The following PLEKHG1 variants were observed in gnomAD, a reference collection of about 807,000 sequenced individuals.
The protein encoded by PLEKHG1 is pleckstrin homology and RhoGEF domain containing G1.
A neutral mutation model predicts 100.8 loss-of-function variants in PLEKHG1; 44 were observed. The observed-to-expected ratio is 0.44, with a 90% CI of 0.34 to 0.56. PLEKHG1 has a LOEUF of 0.56. Ranked by LOEUF, PLEKHG1 falls within the 20% of genes least tolerant of loss-of-function variation. The pLI, the probability that PLEKHG1 is intolerant of heterozygous loss-of-function variation, is 0.01. For synonymous variants in PLEKHG1, 640 were observed against 662.5 expected (o/e 0.97, Z 0.52); for missense variants, 1,545 against 1,720.9 (o/e 0.90, Z 1.81).
upstream of PLEKHG1, among the ~76,000 whole-genome samples, chr6:150,718,329 T>A (rs1781518411): frequency 6.6e-6 from 1 of 152,090 alleles, no homozygotes; most frequent in African/African-American, 2.4e-5. Context: ...TGGGGAGCAC[T>A]GGAACGCAGA....
chr6:150,720,061 A>C (rs1005393418), upstream of PLEKHG1, among the ~76,000 whole-genome samples: 2 of 152,214 alleles, frequency 1.3e-5, no homozygotes, highest in African/African-American at 4.8e-5. Flanking sequence ...CCACAAATGA[A>C]TGCTTTAAAT....
intron 1 of PLEKHG1, among the ~76,000 whole-genome samples, chr6:150,613,645 A>C (rs1776942281): frequency 6.6e-6 from 1 of 152,140 alleles, no homozygotes; most frequent in Non-Finnish European, 1.5e-5. Context: ...CTGGCTTCTG[A>C]AGAGGCTTCC....
At chr6:150,721,522 C>T (rs1333207274) in intron 1 of PLEKHG1, among the ~76,000 whole-genome samples, 12 of 152,196 alleles carry the variant, frequency 7.9e-5, no homozygotes, top group Non-Finnish European at 1.5e-5. Context: ...GTATCTGACT[C>T]TGGGGAGAAC....
intron 3 of PLEKHG1, among the ~76,000 whole-genome samples, chr6:150,705,596 G>A (rs922062043): frequency 1.3e-5 from 2 of 152,238 alleles, no homozygotes; most frequent in Admixed American, 1.3e-4. Context: ...TACTAGACTT[G>A]CTCAATCCAC....
upstream of PLEKHG1, among the ~76,000 whole-genome samples, chr6:150,717,303 G>C (rs1487061135): frequency 6.6e-6 from 1 of 151,950 alleles, no homozygotes; most frequent in Non-Finnish European, 1.5e-5. Context: ...GCCTCCCAAA[G>C]TGCTGGGATT....
chr6:150,611,534 G>A (rs1234787050), intron 1 of PLEKHG1, among the ~76,000 whole-genome samples: 1 of 152,254 alleles, frequency 6.6e-6, no homozygotes, highest in South Asian at 2.1e-4. Context: ...AATGGTGGCC[G>A]GGCGAGGTGG....
chr6:150,823,186 G>A (rs1776400284), intron 13 of PLEKHG1, among the ~76,000 whole-genome samples: 1 of 152,102 alleles, frequency 6.6e-6, no homozygotes, highest in African/African-American at 2.4e-5. Flanking sequence ...CTTCTCTAAG[G>A]ATGTGGCTAT....
intron 1 of PLEKHG1, among the ~76,000 whole-genome samples, chr6:150,723,792 C>A (rs763591569): frequency 2.4e-4 from 37 of 152,310 alleles, no homozygotes; most frequent in African/African-American, 8.7e-4. Context: ...AAACAACAAA[C>A]ATTTATAATA....
chr6:150,623,639 C>T (rs1400002877), intron 1 of PLEKHG1, among the ~76,000 whole-genome samples: 1 of 152,210 alleles, frequency 6.6e-6, no homozygotes, highest in Non-Finnish European at 1.5e-5. Flanking sequence ...GCCTCAGGCC[C>T]CCCACGTGTG....
intron 3 of PLEKHG1, among the ~76,000 whole-genome samples, chr6:150,669,167 A>G (rs1461296034): frequency 1.3e-5 from 2 of 152,214 alleles, no homozygotes; most frequent in African/African-American, 4.8e-5. Flanking sequence ...CAGGAAAGAC[A>G]AAAGGAGGCT....
chr6:150,748,967 A>G (rs1583050910), intron 2 of PLEKHG1, among the ~76,000 whole-genome samples: 1 of 152,040 alleles, frequency 6.6e-6, no homozygotes, highest in African/African-American at 2.4e-5. Context: ...CAGTTTCTTC[A>G]TCTTAAAATG....
intron 2 of PLEKHG1, among the ~76,000 whole-genome samples, chr6:150,762,401 G>A (rs1286047786): frequency 6.6e-6 from 1 of 150,886 alleles, no homozygotes; most frequent in Non-Finnish European, 1.5e-5. Context: ...GTTTCGCCAT[G>A]TTGGCCAGGC....
At position 150,809,510 on chromosome 6, in the gene PLEKHG1, C is replaced by G. The variant is rs368681998; in HGVS notation, c.1191+34C>G. On this transcript the variant is annotated intron_variant, in intron 9 of 15. Transcript: ENST00000358517. ...CGGGCCCTGGCCTCTCCGCAAGGCC[C>G]CTTTGTGTAATGATGAGTGCTGTGT... is the stretch of plus-strand genomic sequence containing the variant. The G allele has an allele frequency of 1.9e-6, 3 of 1,565,572 alleles. No homozygotes were observed. In the African/African-American group the frequency reaches 4.1e-5, roughly 21 times the overall value.
chr6:150,806,360 C>T lies in PLEKHG1; in HGVS notation c.912+1619C>T, dbSNP rs1021098549. Among the ~76,000 whole-genome samples, 15 of 149,476 alleles carry T rather than the reference C, an allele frequency of 1.0e-4. No homozygotes were observed. The East Asian group carries it at 2.8e-3, about 28-fold the overall frequency. On this transcript the variant is annotated intron_variant, in intron 7 of 15. Coordinates refer to ENST00000358517, the Ensembl canonical transcript of PLEKHG1. Reference sequence around the variant, plus strand: ...TCCGCAGTTTCACTTTCTGCAGTTTCATTTGCCCATGGTCAATCAAGGTTA... The same window carrying T: ...TCCGCAGTTTCACTTTCTGCAGTTTTATTTGCCCATGGTCAATCAAGGTTA...
intron 1 of PLEKHG1, among the ~76,000 whole-genome samples, chr6:150,616,794 CT>C (rs1173925461): frequency 6.6e-6 from 1 of 152,208 alleles, no homozygotes; most frequent in Non-Finnish European, 1.5e-5. Context: ...CTTCAGCTTA[CT>C]GTCTTGTAAG....
chr6:150,827,729 A>G (rs563722638), intron 14 of PLEKHG1: 1 of 1,329,420 alleles, frequency 7.5e-7, no homozygotes, highest in African/African-American at 1.4e-5. Context: ...CTTACCCGCC[A>G]AGGAAAGAAT....
intron 1 of PLEKHG1, among the ~76,000 whole-genome samples, chr6:150,612,864 T>C (rs914613109): frequency 6.6e-6 from 1 of 152,200 alleles, no homozygotes; most frequent in Admixed American, 6.5e-5. Context: ...CCACTGTCTT[T>C]TCCTGGTTAT....
chr6:150,691,970 G>A (rs1007836355), intron 3 of PLEKHG1, among the ~76,000 whole-genome samples: 2 of 152,246 alleles, frequency 1.3e-5, no homozygotes, highest in African/African-American at 4.8e-5. Context: ...GAGACCAGGG[G>A]TGGATCCAGG....
chr6:150,728,903 G>GA (rs928089361), intron 1 of PLEKHG1, among the ~76,000 whole-genome samples: 5 of 150,986 alleles, frequency 3.3e-5, no homozygotes, highest in African/African-American at 7.3e-5. Context: ...TCTCAAAAAA[G>GA]AAAAAAAAGT....
Sources: allele counts gnomAD v4.1 joint callset (sites outside exome capture counted in the v4.1 genomes callset), GRCh38; gene constraint gnomAD v4.1.1; transcripts MANE v1.5; gene names NCBI Gene and HGNC (gene_info 2026-07-23, HGNC 2026-07-21).